Variants in SNTA1 observed in about 807,000 individuals in gnomAD.
SNTA1 encodes the protein syntrophin alpha 1.
In SNTA1, 31 loss-of-function variants were observed where a neutral mutation model predicts 47.1. The ratio of observed to expected loss-of-function variants is 0.66; its 90% CI spans 0.49 to 0.89. The LOEUF (loss-of-function observed/expected upper bound fraction) is 0.89. Ranked by LOEUF, SNTA1 falls within the 40% of genes least tolerant of loss-of-function variation. The pLI is 0.00. For missense variants in SNTA1, 575 were observed against 693.0 expected, an observed-to-expected ratio of 0.83 and a Z score of 1.91; for synonymous variants, 300 against 313.6, an observed-to-expected ratio of 0.96 and a Z score of 0.46.
At chr20:33,418,035 GTAAGCAAGA>G (rs1989922824) in intron 2 of SNTA1, 112 bp from the exon 3 acceptor site, 1 of 713,642 alleles carries the variant, frequency 1.4e-6, no homozygotes, top group Admixed American at 2.3e-5. Context: ...TAGACCCTTA[GTAAGCAAGA>G]GTCCAGTAGT....
chr20:33,417,600 C>T (rs1267684092), intron 3 of SNTA1, 119 bp downstream of exon 3: 1 of 748,758 alleles, frequency 1.3e-6, no homozygotes, highest in Non-Finnish European at 2.4e-6. Flanking sequence ...TTTTTAAGCA[C>T]CTACTATGTC....
chr20:33,429,117 C>CAGAT (rs536965348), intron 2 of SNTA1, among the ~76,000 whole-genome samples: 70 of 151,146 alleles, frequency 4.6e-4, no homozygotes, highest in Non-Finnish European at 7.8e-4. Context: ...AGGCCTTAGG[C>CAGAT]AGATCACTTG....
At chr20:33,426,955 CAGGAGGCTG>C (rs1299759995) in intron 2 of SNTA1, among the ~76,000 whole-genome samples, 1 of 149,576 alleles carries the variant, frequency 6.7e-6, no homozygotes, top group Non-Finnish European at 1.5e-5. Flanking sequence ...CCCAGCTACT[CAGGAGGCTG>C]AGGTGGGAGG....
intron 2 of SNTA1, among the ~76,000 whole-genome samples, chr20:33,421,261 CTG>C (rs1191562174): frequency 6.6e-6 from 1 of 152,102 alleles, no homozygotes; most frequent in Non-Finnish European, 1.5e-5. Flanking sequence ...CACTGTCTAA[CTG>C]TGTAACCATG....
rs1354126555 is a variant in SNTA1, at chr20:33,417,884, G to C, written c.536C>G (p.Ser179Cys). The change falls in exon 3 of 8, where the codon TCT (serine) becomes TGT (cysteine). Residue 179 changes from serine (S) to cysteine (C), a missense_variant. Ser to Cys is a moderately radical substitution (Grantham distance 112). Transcript: ENST00000217381. ...MKDVSPYFKN[S>C]TGGTSVGWDS... ...CCAGCCGACCGAGGTCCCACCAGTA[G>C]AGTTCTTGAAATACGGTGAGACGTC... 6.2e-7 allele frequency: 1 copy of C among 1,614,088 alleles called. No individual in the cohort carries two copies.
At chr20:33,428,570 C>T (rs992568997) in intron 2 of SNTA1, among the ~76,000 whole-genome samples, 2 of 151,176 alleles carry the variant, frequency 1.3e-5, no homozygotes, top group African/African-American at 2.4e-5. Context: ...TTTACACTCT[C>T]GTTGGTAATT....
chr20:33,438,635 A>T (rs1366640977), intron 2 of SNTA1, among the ~76,000 whole-genome samples: 2 of 152,144 alleles, frequency 1.3e-5, no homozygotes, highest in Non-Finnish European at 2.9e-5. Flanking sequence ...GAAAATGCAA[A>T]TCAGGTCTGC....
rs1056810203 is a variant in SNTA1 at position 33,410,262 on chromosome 20, C to T, written c.1110G>A (p.Thr370=). ...YDAELSFALR[T]GTRHGVDTHL... is the part of the protein sequence containing the mutation. ...GAGTGTCCACACCGTGACGCGTGCC[C>T]GTGCGCAGGGCAAAAGAGAGCTCTG... is the stretch of plus-strand genomic sequence containing the variant. Residue 370 remains threonine, a synonymous_variant, in exon 6 of 8, where the codon ACG becomes ACA. Coordinates refer to ENST00000217381, the MANE Select transcript of SNTA1 (RefSeq NM_003098.3). 8 of 1,612,744 alleles carry T rather than the reference C, an allele frequency of 5.0e-6. No individual in the cohort carries two copies. The highest frequency in any genetic ancestry group is 3.3e-5 in the Admixed American group (2 of 59,928).
chr20:33,420,983 C>CAA (rs1330428300), intron 2 of SNTA1, among the ~76,000 whole-genome samples: 1 of 116,126 alleles, frequency 8.6e-6, no homozygotes, highest in African/African-American at 3.2e-5. Flanking sequence ...GACCCCGTCT[C>CAA]AAAAAAAAAA....
chr20:33,434,648 A>G (rs1325944222), intron 2 of SNTA1, among the ~76,000 whole-genome samples: 1 of 151,724 alleles, frequency 6.6e-6, no homozygotes, highest in Non-Finnish European at 1.5e-5. Context: ...AAGCCTCCCA[A>G]TCCTTCCAAA....
intron 6 of SNTA1, 91 bp from the exon 7 acceptor site, chr20:33,408,979 C>G: frequency 8.8e-7 from 1 of 1,138,572 alleles, no homozygotes; most frequent in Non-Finnish European, 1.3e-6. Context: ...CAAAGTGGGG[C>G]CTGAATGCCT....
intron 2 of SNTA1, among the ~76,000 whole-genome samples, chr20:33,438,299 C>CA (rs111331022): frequency 0.017 from 2,536 of 147,836 alleles, 63 homozygotes; most frequent in African/African-American, 0.058. Context: ...GATTCCATCT[C>CA]AAAAAAAAAA....
intron 1 of SNTA1, among the ~76,000 whole-genome samples, chr20:33,440,578 G>A (rs1380163635): frequency 6.6e-6 from 1 of 152,194 alleles, no homozygotes; most frequent in Non-Finnish European, 1.5e-5. Flanking sequence ...CCCAGGAGGT[G>A]GAGGTTGCAG....
Position 33,443,650 on chromosome 20 carries a change from C to T in SNTA1, c.-30G>A. 1.7e-6 allele frequency: 2 copies of T among 1,182,604 alleles called. No individual in the cohort carries two copies. The highest frequency in any genetic ancestry group is 3.5e-4 in the Middle Eastern group (1 of 2,848). 73.3% of individuals were successfully genotyped at this position (1,182,604 alleles called of 1,614,324 possible). ...GCCTCCGAGCCCCCGGGCCGCCGCG[C>T]TCGCCCTGTCCCGCTTTGCCCAGCC... is the stretch of plus-strand genomic sequence containing the variant. On this transcript the variant is annotated 5_prime_UTR_variant, in exon 1 of 8. Transcript: ENST00000217381.
At chr20:33,435,921 G>A (rs1264099372) in intron 2 of SNTA1, among the ~76,000 whole-genome samples, 12 of 151,748 alleles carry the variant, frequency 7.9e-5, no homozygotes, top group Admixed American at 2.0e-4. Flanking sequence ...TGGGCCGGGC[G>A]CGGTGGCTCA....
chr20:33,417,800 C>T lies in SNTA1; in HGVS notation c.620G>A (p.Arg207Gln), dbSNP rs771180054. Residue 207 changes from arginine to glutamine, a missense_variant, in exon 3 of 8, where the codon CGG becomes CAG. By Grantham distance (43) the Arg-to-Gln change is conservative. Transcript: ENST00000217381. ...RQPSSPGPTP[R>Q]NFSEAKHMSL... is the part of the protein sequence containing the mutation. The stretch of plus-strand genomic sequence containing the variant: ...CATGTGTTTGGCCTCGCTGAAGTTC[C>T]GGGGTGTGGGGCCAGGGGAGGAAGG... The T allele has an allele frequency of 5.0e-5, 81 of 1,613,908 alleles. No homozygotes were observed. Among genetic ancestry groups the T allele is most frequent in the Non-Finnish European group, 6.3e-5 (74 of 1,179,990 alleles).
intron 3 of SNTA1, among the ~76,000 whole-genome samples, chr20:33,414,957 TC>T (rs1242276966): frequency 2.0e-5 from 3 of 152,182 alleles, no homozygotes; most frequent in African/African-American, 7.2e-5. Flanking sequence ...CCCAGTGCAA[TC>T]CTAACACTGA....
chr20:33,427,062 C>CAAAA (rs914615779), intron 2 of SNTA1, among the ~76,000 whole-genome samples: 2 of 61,052 alleles, frequency 3.3e-5, no homozygotes, highest in African/African-American at 1.0e-4. Context: ...AACCCTGTCT[C>CAAAA]AAAAAAAAAA....
At chr20:33,409,500 C>G (rs2146756015) in intron 6 of SNTA1, among the ~76,000 whole-genome samples, 1 of 152,188 alleles carries the variant, frequency 6.6e-6, no homozygotes, top group East Asian at 1.9e-4. Flanking sequence ...CACTCTGTTA[C>G]CCAGGCTGGA....
Sources: allele counts gnomAD v4.1 joint callset (sites outside exome capture counted in the v4.1 genomes callset), GRCh38; gene constraint gnomAD v4.1.1; transcripts MANE v1.5; gene names NCBI Gene and HGNC (gene_info 2026-07-23, HGNC 2026-07-21).